GPC6: variants seen among roughly 807,000 people sequenced by gnomAD.
The protein encoded by GPC6 is glypican-6.
In GPC6, 14 loss-of-function variants were observed where a neutral mutation model predicts 55.2. The observed-to-expected ratio is 0.25, with a 90% CI of 0.17 to 0.40. The LOEUF (loss-of-function observed/expected upper bound fraction) is 0.40. Among genes scored for constraint, GPC6 ranks in the 10% least tolerant of loss-of-function variants. The pLI is 1.00. For synonymous variants in GPC6, 278 were observed against 259.6 expected (o/e 1.07, Z -0.68); for missense variants, 641 against 708.5 (o/e 0.90, Z 1.08).
At position 94,005,481 on chromosome 13, in the gene GPC6, A is replaced by G. The variant is rs78197738; in HGVS notation, c.712-22248A>G. Reference sequence around the variant, plus strand: ...CTCTCTCTTCTTTAAAAGGTACAACACAGAGTCCCTATATGCTGGCTCTTT... The same window carrying G: ...CTCTCTCTTCTTTAAAAGGTACAACGCAGAGTCCCTATATGCTGGCTCTTT... On this transcript the variant is annotated intron_variant, in intron 3 of 8. Coordinates refer to ENST00000377047, the MANE Select transcript of GPC6 (RefSeq NM_005708.5). 5.8e-3 allele frequency among the ~76,000 whole-genome samples: 882 copies of G among 152,312 alleles called. 4 individuals are homozygous for G. The highest frequency in any genetic ancestry group is 0.014 in the Middle Eastern group (4 of 294).
intron 4 of GPC6, among the ~76,000 whole-genome samples, chr13:94,263,962 G>A (rs1375298675): frequency 6.6e-6 from 1 of 152,166 alleles, no homozygotes; most frequent in African/African-American, 2.4e-5. Context: ...ATGTGTCACT[G>A]TCTTTTGAAA....
At chr13:93,441,905 T>C (rs894262665) in intron 1 of GPC6, among the ~76,000 whole-genome samples, 7 of 152,078 alleles carry the variant, frequency 4.6e-5, no homozygotes, top group Admixed American at 2.6e-4. Context: ...GTTATGGGCA[T>C]TGGACATAAA....
At chr13:94,301,937 C>A (rs1207073713) in intron 5 of GPC6, among the ~76,000 whole-genome samples, 2 of 152,036 alleles carry the variant, frequency 1.3e-5, no homozygotes, top group East Asian at 1.9e-4. Context: ...ATACCCAAGC[C>A]ACTGAGGAAA....
intron 1 of GPC6, among the ~76,000 whole-genome samples, chr13:93,258,527 A>C (rs762586139): frequency 6.6e-6 from 1 of 151,976 alleles, no homozygotes; most frequent in Non-Finnish European, 1.5e-5. Flanking sequence ...TTCACCCCCA[A>C]GTTTCTGTAA....
intron 1 of GPC6, among the ~76,000 whole-genome samples, chr13:93,415,470 A>G (rs1455598244): frequency 6.6e-6 from 1 of 152,096 alleles, no homozygotes; most frequent in Admixed American, 6.6e-5. Flanking sequence ...TTTTATTTTT[A>G]GAAATGTATA....
chr13:94,255,637 G>T (rs1891481292), intron 4 of GPC6, among the ~76,000 whole-genome samples: 1 of 151,962 alleles, frequency 6.6e-6, no homozygotes, highest in South Asian at 2.1e-4. Context: ...AGAGTCACCT[G>T]CTCTGGGGCC....
rs1341045501 is a variant in GPC6, at chr13:93,902,870, T to C, written c.711+72325T>C. Among the ~76,000 whole-genome samples the C allele has an allele frequency of 2.0e-5, 3 of 152,342 alleles. No individual in the cohort carries two copies. The East Asian group carries it at 5.8e-4, about 29-fold the overall frequency. On this transcript the variant is annotated intron_variant, in intron 3 of 8. Transcript: ENST00000377047. ...ATCTTTCTGGGTCTTTGCTGATTTTTAAATTGGATTATTGGAGGTTTTTTG... is the reference window on the plus strand; with the variant it reads ...ATCTTTCTGGGTCTTTGCTGATTTTCAAATTGGATTATTGGAGGTTTTTTG...
intron 2 of GPC6, among the ~76,000 whole-genome samples, chr13:93,759,258 A>C (rs1010543295): frequency 2.0e-5 from 3 of 152,138 alleles, no homozygotes; most frequent in Non-Finnish European, 4.4e-5. Flanking sequence ...AGGACAATAT[A>C]CTTTATTCAG....
chr13:94,253,880 G>A (rs974837116), intron 4 of GPC6, among the ~76,000 whole-genome samples: 17 of 152,060 alleles, frequency 1.1e-4, no homozygotes, highest in African/African-American at 4.1e-4. Flanking sequence ...CTTTCAATTA[G>A]ATTGATGTAT....
chr13:94,105,928 C>T (rs901214247), intron 4 of GPC6, among the ~76,000 whole-genome samples: 4 of 151,598 alleles, frequency 2.6e-5, no homozygotes, highest in Non-Finnish European at 5.9e-5. Context: ...GCTCCCACGA[C>T]CAAGAGTTAT....
At chr13:94,170,538 G>C (rs1395004643) in intron 4 of GPC6, among the ~76,000 whole-genome samples, 1 of 152,184 alleles carries the variant, frequency 6.6e-6, no homozygotes, top group African/African-American at 2.4e-5. Context: ...AATCTGTTTG[G>C]AAAGTTAGCC....
rs559722601 is a variant in GPC6, at chr13:94,213,354, G to A, written c.878-72995G>A. Among the ~76,000 whole-genome samples, 3 of 152,282 alleles carry A rather than the reference G, an allele frequency of 2.0e-5. No homozygotes were observed. The South Asian group carries it at 6.2e-4, about 32-fold the overall frequency. ...CGTTCTCAATTGGGCAGTTTAAACA[G>A]TGTCTTGTAAAATTTTAAAGAAAAC... On this transcript the variant is annotated intron_variant, in intron 4 of 8. Coordinates refer to ENST00000377047, the MANE Select transcript of GPC6 (RefSeq NM_005708.5).
intron 2 of GPC6, among the ~76,000 whole-genome samples, chr13:93,651,810 C>G (rs376729629): frequency 7.4e-4 from 113 of 152,252 alleles, no homozygotes; most frequent in African/African-American, 2.6e-3. Flanking sequence ...GTTCTCAAAC[C>G]TGGCTGCACA....
intron 2 of GPC6, among the ~76,000 whole-genome samples, chr13:93,701,493 T>A (rs1340317733): frequency 6.6e-6 from 1 of 152,066 alleles, no homozygotes; most frequent in Non-Finnish European, 1.5e-5. Flanking sequence ...TGCTGACTGA[T>A]CAGGACAGTG....
chr13:93,663,012 A>ATTT lies in GPC6; in HGVS notation c.319+117591_319+117592insTTT, dbSNP rs573417143. ...GGATTGCGAATCACTGTGATAGAAA[A>ATTT]ATGACATTTGGTGGGATCTATTCAT... On this transcript the variant is annotated intron_variant, in intron 2 of 8. Coordinates refer to ENST00000377047, the MANE Select transcript of GPC6 (RefSeq NM_005708.5). Among the ~76,000 whole-genome samples, 752 of 152,094 alleles carry ATTT rather than the reference A, an allele frequency of 4.9e-3. 6 individuals are homozygous for ATTT. The highest frequency in any genetic ancestry group is 0.017 in the African/African-American group (693 of 41,490).
intron 4 of GPC6, among the ~76,000 whole-genome samples, chr13:94,203,067 G>T (rs1028828715): frequency 1.4e-5 from 2 of 148,012 alleles, no homozygotes; most frequent in Non-Finnish European, 3.0e-5. Context: ...AGATTAAAAA[G>T]GTTTTATAGT....
intron 2 of GPC6, among the ~76,000 whole-genome samples, chr13:93,763,117 A>T (rs1885006155): frequency 6.6e-6 from 1 of 152,224 alleles, no homozygotes; most frequent in South Asian, 2.1e-4. Context: ...GCAACTATTA[A>T]TTCAGTGTCG....
At chr13:93,778,330 A>G (rs528065726) in intron 2 of GPC6, among the ~76,000 whole-genome samples, 1 of 152,180 alleles carries the variant, frequency 6.6e-6, no homozygotes, top group South Asian at 2.1e-4. Context: ...TGTTGGTACC[A>G]AAACGAAGAG....
intron 6 of GPC6, among the ~76,000 whole-genome samples, chr13:94,369,813 T>G (rs1232976886): frequency 1.3e-5 from 2 of 151,560 alleles, no homozygotes; most frequent in Non-Finnish European, 3.0e-5. Context: ...TTTTTTGGGG[T>G]TTTTTTTCCC....
Sources: gnomAD v4.1 joint callset for allele counts (sites outside exome capture counted in the v4.1 genomes callset) on GRCh38, gnomAD v4.1.1 for gene constraint, MANE v1.5 for transcripts, NCBI Gene and HGNC (gene_info 2026-07-23, HGNC 2026-07-21) for gene names.